Variants in APBA1 observed in about 807,000 individuals in gnomAD.
APBA1 encodes the protein amyloid beta precursor protein binding family A member 1.
In APBA1, 55 loss-of-function variants were observed where a neutral mutation model predicts 86.6. The observed-to-expected ratio is 0.64, with a 90% confidence interval of 0.51 to 0.80. The LOEUF (loss-of-function observed/expected upper bound fraction) is 0.80, where lower values mean the gene tolerates loss of function less well. APBA1 is among the 30% of genes least tolerant of loss of function. The pLI is 0.00. For missense variants in APBA1, 1,090 were observed against 1,183.0 expected, an observed-to-expected ratio of 0.92 and a Z score of 1.15; for synonymous variants, 511 against 493.9, an observed-to-expected ratio of 1.03 and a Z score of -0.46.
intron 1 of APBA1, among the ~76,000 whole-genome samples, chr9:69,539,874 T>C (rs943689556): frequency 6.6e-6 from 1 of 152,140 alleles, no homozygotes; most frequent in Non-Finnish European, 1.5e-5. Flanking sequence ...ATCCCAGCAC[T>C]TTAGGAGGCT....
chr9:69,523,944 C>A (rs1326611386), intron 1 of APBA1, among the ~76,000 whole-genome samples: 3 of 152,112 alleles, frequency 2.0e-5, no homozygotes, highest in African/African-American at 7.2e-5. Context: ...CTCAAAACCA[C>A]ACAATTACAT....
rs1290379474 is a variant in APBA1, at chr9:69,516,907, C to G, written c.304G>C (p.Asp102His). 1 of 1,594,030 alleles carries G rather than the reference C, an allele frequency of 6.3e-7. No individual in the cohort carries two copies. The highest frequency in any genetic ancestry group is 8.5e-7 in the Non-Finnish European group (1 of 1,176,880). ...TGCGCGCGCTCCGCATCGTAGCCGT[C>G]GCGGGCCGCGGCGATCACGTCGCCC... ...AEGDVIAAAR[D>H]GYDAERAQDP... The change falls in exon 2 of 13, where the codon GAC (aspartate) becomes CAC (histidine). Residue 102 changes from aspartate to histidine, a missense_variant. By Grantham distance (81) the Asp-to-His change is moderately conservative. Coordinates refer to ENST00000265381, the MANE Select transcript of APBA1 (RefSeq NM_001163.4). This position sits in a 1 kb window ranked among gnomAD's most constrained non-coding sequence, Gnocchi z 7.3.
At chr9:69,587,271 T>G (rs1822040245) in intron 1 of APBA1, among the ~76,000 whole-genome samples, 1 of 152,198 alleles carries the variant, frequency 6.6e-6, no homozygotes. Flanking sequence ...ATTGGTTCTG[T>G]GATGGGCAGG....
upstream of APBA1, chr9:69,672,617 C>G (rs940651936): frequency 1.3e-5 from 2 of 151,060 alleles, no homozygotes; most frequent in African/African-American, 2.4e-5. Flanking sequence ...CGCCCCTGCC[C>G]CGGCGCCGGT....
chr9:69,626,473 C>T (rs905343068), intron 1 of APBA1, among the ~76,000 whole-genome samples: 6 of 152,098 alleles, frequency 3.9e-5, no homozygotes, highest in Non-Finnish European at 8.8e-5. Context: ...AATGTAATCA[C>T]TCTTCCCATT....
intron 1 of APBA1, among the ~76,000 whole-genome samples, chr9:69,572,869 T>G (rs1837138248): frequency 6.6e-6 from 1 of 152,200 alleles, no homozygotes; most frequent in South Asian, 2.1e-4. Context: ...AAATATGACT[T>G]TTGGTGGTTG....
intron 2 of APBA1, among the ~76,000 whole-genome samples, chr9:69,491,303 T>C (rs1835705830): frequency 6.6e-6 from 1 of 152,042 alleles, no homozygotes; most frequent in South Asian, 2.1e-4. Context: ...ATGTCCTTTG[T>C]AGGGACACGA....
At chr9:69,563,060 G>C (rs1481186227) in intron 1 of APBA1, among the ~76,000 whole-genome samples, 4 of 152,206 alleles carry the variant, frequency 2.6e-5, no homozygotes, top group Admixed American at 2.6e-4. Flanking sequence ...CTTCAGCTAA[G>C]ATTTGCTCTG....
At chr9:69,482,544 C>A (rs1835530776) in intron 2 of APBA1, among the ~76,000 whole-genome samples, 1 of 150,550 alleles carries the variant, frequency 6.6e-6, no homozygotes. Flanking sequence ...ACTAGTTCAA[C>A]CCTTGTGGAA....
intron 9 of APBA1, 92 bp downstream of exon 9, chr9:69,452,030 G>A (rs951836716): frequency 2.5e-5 from 31 of 1,220,120 alleles, no homozygotes; most frequent in South Asian, 2.7e-5. Flanking sequence ...CCTCACCATT[G>A]ATCTCCCTTC....
At chr9:69,500,708 T>C (rs1486276486) in intron 2 of APBA1, among the ~76,000 whole-genome samples, 1 of 152,008 alleles carries the variant, frequency 6.6e-6, no homozygotes, top group Non-Finnish European at 1.5e-5. Context: ...GACTGAATCT[T>C]ATTAACACCC....
chr9:69,523,477 GTATATATATATATATATATGTATATA>G (rs60043891), intron 1 of APBA1, among the ~76,000 whole-genome samples: 11,749 of 80,368 alleles, frequency 0.15, 809 homozygotes, highest in Admixed American at 0.2. Context: ...ATATATATAT[GTATATATATATATATATATGTATATA>G]TATATATATA....
chr9:69,449,885 C>T, intron 9 of APBA1, 89 bp from the exon 10 acceptor site: 2 of 1,215,632 alleles, frequency 1.6e-6, no homozygotes, highest in Non-Finnish European at 2.3e-6. Context: ...CCTGTCTTGC[C>T]TAAAGAAAGA....
At chr9:69,540,812 T>G (rs1836596378) in intron 1 of APBA1, among the ~76,000 whole-genome samples, 1 of 152,164 alleles carries the variant, frequency 6.6e-6, no homozygotes, top group Non-Finnish European at 1.5e-5. Context: ...TTGCCCAGGT[T>G]GGTCTTGAAC....
At chr9:69,658,620 G>A (rs145310264) in intron 1 of APBA1, among the ~76,000 whole-genome samples, 1,660 of 150,300 alleles carry the variant, frequency 0.011, 22 homozygotes, top group South Asian at 0.014. Flanking sequence ...GGCCAAGTTG[G>A]TCTCAAACTC....
chr9:69,660,334 A>G (rs1823726753), intron 1 of APBA1, among the ~76,000 whole-genome samples: 1 of 152,144 alleles, frequency 6.6e-6, no homozygotes, highest in South Asian at 2.1e-4. Flanking sequence ...TCTGGCCCCC[A>G]TGTTAAATTT....
intron 1 of APBA1, among the ~76,000 whole-genome samples, chr9:69,608,776 C>T (rs922277741): frequency 6.6e-6 from 1 of 152,158 alleles, no homozygotes; most frequent in Non-Finnish European, 1.5e-5. Flanking sequence ...GGTCACATTC[C>T]TATCAAGTAC....
chr9:69,432,394 C>T, intron 12 of APBA1, 142 bp downstream of exon 12: 1 of 763,604 alleles, frequency 1.3e-6, no homozygotes, highest in Non-Finnish European at 1.8e-6. Context: ...TGGTCAGAGA[C>T]AGGTCTGCTT....
At chr9:69,604,155 C>T (rs1822411503) in intron 1 of APBA1, among the ~76,000 whole-genome samples, 1 of 152,108 alleles carries the variant, frequency 6.6e-6, no homozygotes, top group African/African-American at 2.4e-5. Flanking sequence ...TGTTAGACAG[C>T]GTTTGTGGGG....
Sources: allele counts gnomAD v4.1 joint callset (sites outside exome capture counted in the v4.1 genomes callset), GRCh38; gene constraint gnomAD v4.1.1; non-coding constraint Gnocchi (gnomAD v3.1); transcripts MANE v1.5; gene names NCBI Gene and HGNC (gene_info 2026-07-23, HGNC 2026-07-21).